Variants in FARP1 observed in about 807,000 individuals in gnomAD.
FARP1 encodes the protein FERM, ARHGEF and pleckstrin domain-containing protein 1.
Under a neutral mutation model 128.8 loss-of-function variants are expected in FARP1, and 52 were observed. That is an observed-to-expected ratio of 0.40 (90% CI 0.32 to 0.51). The LOEUF is 0.51. Ranked by LOEUF, FARP1 falls within the 20% of genes least tolerant of loss-of-function variation. The pLI is 0.45. For synonymous variants in FARP1, 580 were observed against 551.8 expected, an observed-to-expected ratio of 1.05 and a Z score of -0.72; for missense variants, 1,333 against 1,367.9, an observed-to-expected ratio of 0.97 and a Z score of 0.40.
At chr13:98,164,706 A>T (rs1877119505) in intron 1 of FARP1, among the ~76,000 whole-genome samples, 1 of 152,130 alleles carries the variant, frequency 6.6e-6, no homozygotes, top group South Asian at 2.1e-4. Flanking sequence ...TCCACCATCT[A>T]ATGTGTAAAT....
chr13:98,340,297 G>C (rs1044704511), intron 2 of FARP1, among the ~76,000 whole-genome samples: 3 of 152,158 alleles, frequency 2.0e-5, no homozygotes, highest in African/African-American at 7.2e-5. Context: ...AAACTGGAAT[G>C]TGTTCTTCCT....
chr13:98,384,432 A>G, intron 6 of FARP1: 1 of 342,282 alleles, frequency 2.9e-6, no homozygotes, highest in Non-Finnish European at 5.4e-6. Context: ...ACCTCAAGTG[A>G]TCCACCCGTC....
At chr13:98,345,924 T>C (rs1888160209) in intron 3 of FARP1, among the ~76,000 whole-genome samples, 1 of 152,202 alleles carries the variant, frequency 6.6e-6, no homozygotes, top group Admixed American at 6.6e-5. Flanking sequence ...TAGAGAGTGA[T>C]AACTGCCAGG....
Position 98,448,473 on chromosome 13 carries a change from C to G in FARP1, c.*156C>G. The stretch of plus-strand genomic sequence containing the variant: ...TCTCCACAGCCGCGTTTTTTAACCC[C>G]GACCTCTCAGCGTCTGAATGAACAG... On this transcript the variant is annotated 3_prime_UTR_variant, in exon 27 of 27. Transcript: ENST00000319562. The G allele has an allele frequency of 1.6e-6, 1 of 631,444 alleles. No individual in the cohort carries two copies. The highest frequency in any genetic ancestry group is 1.8e-5 in the African/African-American group (1 of 54,718). 39.1% of individuals were successfully genotyped at this position (631,444 alleles called of 1,614,324 possible). A position where few individuals can be genotyped will look rare whatever the true frequency, so the allele number is the denominator to read the frequency against.
Position 98,453,026 on chromosome 13 carries a change from T to C in FARP1, c.*4709T>C. 1.3e-6 allele frequency: 1 copy of C among 773,234 alleles called. No individual in the cohort carries two copies. The highest frequency in any genetic ancestry group is 2.7e-5 in the East Asian group (1 of 37,390). The allele number at this position is 773,234 out of a possible 1,614,324, so 47.9% of individuals were successfully genotyped here. ...GCTGCAGCACAGTGAAGACTGTGTGTGTCCCTGGACGGGCGCCTGGCGCTG... is the reference window on the plus strand; with the variant it reads ...GCTGCAGCACAGTGAAGACTGTGTGCGTCCCTGGACGGGCGCCTGGCGCTG... On this transcript the variant is annotated 3_prime_UTR_variant, in exon 27 of 27. Transcript: ENST00000319562.
intron 2 of FARP1, chr13:98,333,488 CTT>C (rs1257145853): frequency 1.4e-5 from 2 of 147,200 alleles, no homozygotes; most frequent in Admixed American, 6.8e-5. Context: ...CAAAATCTAT[CTT>C]TGCAGAGTTT....
chr13:98,146,289 C>T (rs369515552), intron 1 of FARP1, among the ~76,000 whole-genome samples: 52 of 152,082 alleles, frequency 3.4e-4, no homozygotes, highest in Non-Finnish European at 3.2e-4. Context: ...AGTGCAATGG[C>T]GCAATCTCGG....
chr13:98,247,501 G>A (rs1239229408), intron 2 of FARP1, among the ~76,000 whole-genome samples: 1 of 150,532 alleles, frequency 6.6e-6, no homozygotes, highest in Non-Finnish European at 1.5e-5. Flanking sequence ...AGCCCTGCTG[G>A]GGGAGTGGAG....
At chr13:98,193,541 G>A (rs1195111345) in intron 1 of FARP1, among the ~76,000 whole-genome samples, 5 of 152,172 alleles carry the variant, frequency 3.3e-5, no homozygotes, top group Non-Finnish European at 7.4e-5. Flanking sequence ...CAAAAATAGG[G>A]CTTGCATGTC....
chr13:98,309,153 C>CTTTTTTTTTTTTTTTTTTTT lies in FARP1; in HGVS notation c.172-34598_172-34579dup, dbSNP rs56030081. On this transcript the variant is annotated intron_variant, in intron 2 of 26. Transcript: ENST00000319562. ...TATATTAATATTAATTTTAAGAGGC[C>CTTTTTTTTTTTTTTTTTTTT]TTTTTTTTTTTTTTTTTTTTTTTTT... Among the ~76,000 whole-genome samples, 15 of 89,670 alleles carry CTTTTTTTTTTTTTTTTTTTT rather than the reference C, an allele frequency of 1.7e-4. 5 individuals are homozygous for CTTTTTTTTTTTTTTTTTTTT. The highest frequency in any genetic ancestry group is 2.3e-4 in the Non-Finnish European group (11 of 48,410). The allele number at this position is 89,670 out of a possible 152,430, so 58.8% of individuals were successfully genotyped here.
intron 8 of FARP1, among the ~76,000 whole-genome samples, chr13:98,386,474 C>T (rs1339904904): frequency 1.3e-5 from 2 of 152,100 alleles, no homozygotes; most frequent in African/African-American, 2.4e-5. Context: ...TCTTAGTAGC[C>T]TTATTGAAGT....
intron 1 of FARP1, among the ~76,000 whole-genome samples, chr13:98,171,028 T>C (rs931390983): frequency 2.6e-5 from 4 of 152,174 alleles, no homozygotes; most frequent in African/African-American, 7.2e-5. Flanking sequence ...TATGTGCTCA[T>C]TGAGATGGTC....
chr13:98,384,757 T>C lies in FARP1; in HGVS notation c.524T>C (p.Leu175Ser). The change falls in exon 7 of 27, where the codon TTG becomes TCG. Residue 175 changes from leucine (L) to serine (S), a missense_variant. Physicochemically the swap from Leu to Ser is moderately radical, Grantham distance 145. This residue lies in a region of FARP1 where 324 missense variants were observed against 398.1 expected (regional missense o/e 0.81). Transcript: ENST00000319562. ...QSEIGDFDEALDREHLAKNKY... is the reference protein window; with the variant it reads ...QSEIGDFDEASDREHLAKNKY... ...GAGATTGGGGATTTTGATGAAGCCT[T>C]GGACAGAGAGCACTTAGCAAAAAAT... 6.2e-7 allele frequency: 1 copy of C among 1,613,200 alleles called. No individual in the cohort carries two copies. Among genetic ancestry groups the C allele is most frequent in the Non-Finnish European group, 8.5e-7 (1 of 1,179,182 alleles).
Position 98,410,480 on chromosome 13 carries a change from T to C in FARP1, c.1603-254T>C, listed in dbSNP as rs375019174. Among the ~76,000 whole-genome samples the C allele has an allele frequency of 3.3e-4, 50 of 152,364 alleles. 1 individual carries two copies. The highest frequency in any genetic ancestry group is 1.2e-3 in the African/African-American group (50 of 41,596). On this transcript the variant is annotated intron_variant, in intron 14 of 26. Transcript: ENST00000319562. ...ACCTTCCTAGACTATATTCTCATCA[T>C]GGAAATCCATTATCTTAGCCTAGCT...
At chr13:98,359,957 G>A (rs751198908) in intron 3 of FARP1, among the ~76,000 whole-genome samples, 4 of 152,288 alleles carry the variant, frequency 2.6e-5, no homozygotes, top group Non-Finnish European at 5.9e-5. Context: ...AGCAAGATGG[G>A]CTCAAAGGCG....
intron 2 of FARP1, among the ~76,000 whole-genome samples, chr13:98,283,413 A>T (rs1885024141): frequency 6.6e-6 from 1 of 152,230 alleles, no homozygotes; most frequent in Admixed American, 6.5e-5. Flanking sequence ...TTAAAAGCTT[A>T]GTCTTCTCCC....
At chr13:98,346,649 G>A (rs1337521350) in intron 3 of FARP1, among the ~76,000 whole-genome samples, 4 of 152,088 alleles carry the variant, frequency 2.6e-5, no homozygotes, top group Admixed American at 1.3e-4. Flanking sequence ...GGAAGCTGAG[G>A]CAGGAGAATT....
At chr13:98,383,916 T>G (rs955541507) in intron 6 of FARP1, 1 of 152,206 alleles carries the variant, frequency 6.6e-6, no homozygotes, top group African/African-American at 2.4e-5. Flanking sequence ...AACTCATAAT[T>G]TTTTTAAGCA....
rs115969217 is a variant in FARP1, at chr13:98,379,843, T to C, written c.496+1925T>C. 6.8e-3 allele frequency among the ~76,000 whole-genome samples: 1,037 copies of C among 152,294 alleles called. 14 individuals are homozygous for C. Among genetic ancestry groups the C allele is most frequent in the African/African-American group, 0.024 (998 of 41,560 alleles). On this transcript the variant is annotated intron_variant, in intron 6 of 26. Coordinates refer to ENST00000319562, the MANE Select transcript of FARP1 (RefSeq NM_005766.4). The stretch of plus-strand genomic sequence containing the variant: ...AGTATTTTTTCCTAAGTATTTTCAA[T>C]GCATGGTTGGTTGAATCCATGAATA...
Sources: gnomAD v4.1 joint callset for allele counts (sites outside exome capture counted in the v4.1 genomes callset) on GRCh38, gnomAD v4.1.1 for gene constraint, gnomAD v4.1.1 regional missense constraint, MANE v1.5 for transcripts, NCBI Gene and HGNC (gene_info 2026-07-23, HGNC 2026-07-21) for gene names.